The following GLT1D1 variants were observed in gnomAD, a reference collection of about 807,000 sequenced individuals.
GLT1D1 encodes the protein glycosyltransferase 1 domain containing 1.
A neutral mutation model predicts 28.7 loss-of-function variants in GLT1D1; 21 were observed. That is an observed-to-expected ratio of 0.73 (90% CI 0.52 to 1.05). The LOEUF (loss-of-function observed/expected upper bound fraction) is 1.05. Ranked by LOEUF, GLT1D1 falls within the 50% of genes least tolerant of loss-of-function variation. GLT1D1 has a pLI of 0.00. For missense variants in GLT1D1, 343 were observed against 330.6 expected (o/e 1.04, Z -0.29); for synonymous variants, 147 against 124.8 (o/e 1.18, Z -1.19).
chr12:128,936,443 C>T (rs112555721), intron 4 of GLT1D1, among the ~76,000 whole-genome samples: 30 of 152,302 alleles, frequency 2.0e-4, no homozygotes, highest in African/African-American at 7.2e-4. Context: ...CGTGAGCCAC[C>T]GCACCCGGCC....
chr12:128,969,070 C>T (rs1331962949), intron 7 of GLT1D1, among the ~76,000 whole-genome samples: 1 of 152,028 alleles, frequency 6.6e-6, no homozygotes, highest in Non-Finnish European at 1.5e-5. Flanking sequence ...GTCACTCTCT[C>T]AGTCTCTGTA....
At chr12:128,956,158 CA>C (rs1555219265) in intron 6 of GLT1D1, among the ~76,000 whole-genome samples, 1 of 7,476 alleles carries the variant, frequency 1.3e-4, no homozygotes, top group African/African-American at 3.9e-4. Context: ...GACTCCATCT[CA>C]AAAAAAAAAA....
intron 1 of GLT1D1, among the ~76,000 whole-genome samples, chr12:128,858,609 T>G (rs1956284001): frequency 6.6e-6 from 1 of 150,974 alleles, no homozygotes; most frequent in South Asian, 2.1e-4. Flanking sequence ...AAGCAGAGGT[T>G]GCAGTGAGCT....
At chr12:128,881,594 A>AT (rs1566099516) in intron 2 of GLT1D1, among the ~76,000 whole-genome samples, 6 of 119,696 alleles carry the variant, frequency 5.0e-5, no homozygotes, top group Admixed American at 9.6e-5. Flanking sequence ...ATATATATAT[A>AT]AAATTTATAG....
chr12:128,869,939 A>ATT (rs35487977), intron 1 of GLT1D1, among the ~76,000 whole-genome samples: 66 of 125,254 alleles, frequency 5.3e-4, no homozygotes, highest in South Asian at 1.5e-3. Flanking sequence ...TGTGTATTCT[A>ATT]TTTTTTTTTT....
intron 1 of GLT1D1, among the ~76,000 whole-genome samples, chr12:128,873,426 G>A (rs73438353): frequency 0.013 from 1,963 of 152,242 alleles, 44 homozygotes; most frequent in African/African-American, 0.044. Flanking sequence ...AGGGCCCTGC[G>A]GATGCACGGT....
intron 7 of GLT1D1, among the ~76,000 whole-genome samples, chr12:128,970,246 G>GC (rs1433097903): frequency 6.6e-6 from 1 of 152,178 alleles, no homozygotes; most frequent in Non-Finnish European, 1.5e-5. Context: ...CTCAGCCCCT[G>GC]CCTGTTGCAG....
intron 6 of GLT1D1, among the ~76,000 whole-genome samples, chr12:128,956,814 T>C (rs1877359525): frequency 6.6e-6 from 1 of 152,260 alleles, no homozygotes; most frequent in African/African-American, 2.4e-5. Context: ...CATTATTCTT[T>C]TTGAAGTTGC....
At chr12:128,961,380 C>A (rs745556356) in intron 7 of GLT1D1, among the ~76,000 whole-genome samples, 1 of 152,154 alleles carries the variant, frequency 6.6e-6, no homozygotes, top group Non-Finnish European at 1.5e-5. Context: ...ATCAAAGCGC[C>A]ACTCACAATC....
At chr12:128,889,682 TC>T (rs1868814752) in intron 3 of GLT1D1, among the ~76,000 whole-genome samples, 2 of 152,180 alleles carry the variant, frequency 1.3e-5, no homozygotes, top group African/African-American at 4.8e-5. Flanking sequence ...CCCCGCACTG[TC>T]CCCCAGCGGA....
In GLT1D1 at chr12:128,899,217, A is replaced by T; in HGVS notation, c.324-19A>T. 6.3e-7 allele frequency: 1 copy of T among 1,598,450 alleles called. No individual in the cohort carries two copies. Among genetic ancestry groups the T allele is most frequent in the Non-Finnish European group, 8.6e-7 (1 of 1,165,756 alleles). On this transcript the variant is annotated intron_variant, in intron 3 of 7. Coordinates refer to ENST00000281703, the MANE Select transcript of GLT1D1 (RefSeq NM_144669.3). ...GAATTCTGGCCTAATTGTTTCTATT[A>T]TTTTTGTTCATTTACTAGATTTGCT... is the stretch of plus-strand genomic sequence containing the variant.
intron 1 of GLT1D1, among the ~76,000 whole-genome samples, chr12:128,853,958 A>T (rs1377600642): frequency 2.0e-5 from 3 of 151,390 alleles, no homozygotes; most frequent in Non-Finnish European, 4.4e-5. Context: ...CTCGCTGCAG[A>T]AGCAGGATGG....
chr12:128,905,893 G>A (rs943888332), intron 4 of GLT1D1, among the ~76,000 whole-genome samples: 14 of 151,110 alleles, frequency 9.3e-5, no homozygotes, highest in Admixed American at 7.2e-4. Context: ...GTGCAGTGGC[G>A]TGATCGTGGC....
intron 4 of GLT1D1, among the ~76,000 whole-genome samples, chr12:128,932,947 T>C (rs1874089501): frequency 6.6e-6 from 1 of 151,944 alleles, no homozygotes; most frequent in Non-Finnish European, 1.5e-5. Context: ...TCTCGCGGAG[T>C]CTAAGAAATT....
chr12:128,940,006 A>G (rs1463291358), intron 4 of GLT1D1, among the ~76,000 whole-genome samples: 2 of 151,964 alleles, frequency 1.3e-5, no homozygotes, highest in Non-Finnish European at 1.5e-5. Flanking sequence ...GTGTGCATAT[A>G]TAAGATTAAG....
intron 3 of GLT1D1, among the ~76,000 whole-genome samples, chr12:128,897,334 G>A (rs1279668471): frequency 6.6e-6 from 1 of 151,924 alleles, no homozygotes; most frequent in Non-Finnish European, 1.5e-5. Flanking sequence ...CTTCCAAATT[G>A]TTATTTTTGT....
At chr12:128,926,361 A>T in intron 4 of GLT1D1, 2 of 1,502,284 alleles carry the variant, frequency 1.3e-6, no homozygotes, top group Non-Finnish European at 1.8e-6. Flanking sequence ...TCTTACAGAG[A>T]TTAACCAAAG....
At chr12:128,942,781 C>T (rs1301956239) in intron 4 of GLT1D1, among the ~76,000 whole-genome samples, 6 of 137,308 alleles carry the variant, frequency 4.4e-5, no homozygotes, top group Admixed American at 1.6e-4. Context: ...GACAGAGTCT[C>T]GCTCTGCCCC....
In GLT1D1 at chr12:128,937,554, G is replaced by A. The variant is rs576407565; in HGVS notation, c.376-7772G>A. On this transcript the variant is annotated intron_variant, in intron 4 of 7. Transcript: ENST00000281703. ...CATCTCAGAGGATGAATAGGTTTTG[G>A]GGACAGAGGATGACATTCCTGGTAG... 1.1e-4 allele frequency among the ~76,000 whole-genome samples: 16 copies of A among 152,234 alleles called. No homozygotes were observed. The East Asian group carries it at 1.9e-3, about 18-fold the overall frequency.
Sources: gnomAD v4.1 joint callset for allele counts (sites outside exome capture counted in the v4.1 genomes callset) on GRCh38, gnomAD v4.1.1 for gene constraint, MANE v1.5 for transcripts, NCBI Gene and HGNC (gene_info 2026-07-23, HGNC 2026-07-21) for gene names.